NAA16: variants seen among roughly 807,000 people sequenced by gnomAD.
NAA16 encodes NARG1-like protein.
NAA16 carries 97 observed loss-of-function variants against 110.3 expected under a neutral mutation model. The observed-to-expected ratio is 0.88, with a 90% CI of 0.75 to 1.04. The LOEUF (loss-of-function observed/expected upper bound fraction) is 1.04, where lower values mean the gene tolerates loss of function less well. NAA16 is among the 50% of genes least tolerant of loss of function. The pLI, the probability that NAA16 is intolerant of heterozygous loss-of-function variation, is 0.00. For synonymous variants in NAA16, 372 were observed against 330.6 expected, an observed-to-expected ratio of 1.13 and a Z score of -1.36; for missense variants, 1,017 against 1,005.1, an observed-to-expected ratio of 1.01 and a Z score of -0.16.
At chr13:41,352,563 G>A (rs987124798) in intron 9 of NAA16, among the ~76,000 whole-genome samples, 2 of 151,804 alleles carry the variant, frequency 1.3e-5, no homozygotes, top group South Asian at 4.2e-4. Context: ...GCTGAGGCAG[G>A]AGAATTGCTT....
intron 9 of NAA16, among the ~76,000 whole-genome samples, chr13:41,349,915 C>T (rs932087420): frequency 6.6e-6 from 1 of 150,490 alleles, no homozygotes; most frequent in Admixed American, 6.6e-5. Context: ...GAGCTGAGAT[C>T]GCACCATTGC....
chr13:41,372,424 C>A, intron 16 of NAA16, 113 bp downstream of exon 16: 1 of 1,361,622 alleles, frequency 7.3e-7, no homozygotes, highest in Non-Finnish European at 9.5e-7. Context: ...TAGCCTTCTA[C>A]AAAGGCTCTT....
intron 5 of NAA16, 99 bp downstream of exon 5, chr13:41,323,289 G>T: frequency 1.8e-6 from 2 of 1,122,094 alleles, no homozygotes; most frequent in Non-Finnish European, 2.6e-6. Flanking sequence ...TGAAACCTAT[G>T]GAAAACGGGA....
intron 8 of NAA16, among the ~76,000 whole-genome samples, chr13:41,332,142 C>T (rs2042255645): frequency 6.6e-6 from 1 of 151,614 alleles, no homozygotes; most frequent in African/African-American, 2.4e-5. Context: ...ACTGTAGCCT[C>T]AAACCCCTGG....
chr13:41,334,330 G>C (rs1311923147), intron 8 of NAA16, among the ~76,000 whole-genome samples: 2 of 152,100 alleles, frequency 1.3e-5, no homozygotes, highest in Non-Finnish European at 2.9e-5. Flanking sequence ...GGATAAAGCT[G>C]CTTTTCAAAA....
At position 41,344,257 on chromosome 13, in the gene NAA16, T is replaced by C. The variant is rs147791495; in HGVS notation, c.1014+7501T>C. Among the ~76,000 whole-genome samples the C allele has an allele frequency of 5.6e-3, 860 of 152,364 alleles. 8 individuals carry two copies. The highest frequency in any genetic ancestry group is 0.01 in the Non-Finnish European group (684 of 68,032). On this transcript the variant is annotated intron_variant, in intron 9 of 19. Coordinates refer to ENST00000379406, the MANE Select transcript of NAA16 (RefSeq NM_024561.5). ...CATCAATTTGTATTGCCACTAGCAG[T>C]GTGCCTGAAATATTTCCTGTCTTGT...
rs758007997 is a variant in NAA16, at chr13:41,358,847, A to G, written c.1295A>G (p.Asp432Gly). Reference protein sequence around the residue: ...GNLKEAAKWMDEAQSLDTADR... With the variant: ...GNLKEAAKWMGEAQSLDTADR... ...CTCAAAGAAGCTGCAAAGTGGATGG[A>G]TGAAGCACAGTCTTTGGACACAGCT... Residue 432 changes from aspartate (D) to glycine (G), a missense_variant, in exon 12 of 20, where the codon GAT (aspartate) becomes GGT (glycine). Coordinates refer to ENST00000379406, the MANE Select transcript of NAA16 (RefSeq NM_024561.5). 3 of 1,610,376 alleles carry G rather than the reference A, an allele frequency of 1.9e-6. No homozygotes were observed. Among genetic ancestry groups the G allele is most frequent in the Admixed American group, 1.7e-5 (1 of 59,918 alleles).
At chr13:41,341,836 CT>C (rs398117249) in intron 9 of NAA16, among the ~76,000 whole-genome samples, 10 of 145,262 alleles carry the variant, frequency 6.9e-5, no homozygotes, top group Non-Finnish European at 7.5e-5. Flanking sequence ...CAGACCAAAC[CT>C]TTTTTTTTTT....
chr13:41,352,626 G>C (rs929463528), intron 9 of NAA16, among the ~76,000 whole-genome samples: 1 of 152,156 alleles, frequency 6.6e-6, no homozygotes, highest in African/African-American at 2.4e-5. Context: ...CTGTACTCCA[G>C]CCTAGGCAAC....
intron 6 of NAA16, 28 bp downstream of exon 6, chr13:41,325,879 C>T: frequency 1.9e-6 from 3 of 1,557,726 alleles, no homozygotes; most frequent in Non-Finnish European, 2.6e-6. Context: ...TTTTTAATAG[C>T]CTCAAACAGA....
In NAA16 at chr13:41,374,770, G is replaced by A. The variant is rs769714684; in HGVS notation, c.2328G>A (p.Lys776=). The A allele has an allele frequency of 5.6e-6, 9 of 1,612,646 alleles. No homozygotes were observed. Among genetic ancestry groups the A allele is most frequent in the Non-Finnish European group, 7.6e-6 (9 of 1,179,220 alleles). Residue 776 remains lysine (K), a synonymous_variant, in exon 19 of 20, where the codon AAG becomes AAA. Transcript: ENST00000379406. The stretch of plus-strand genomic sequence containing the variant: ...CTAAAATGATGTATTTTCTGGACAA[G>A]TCAAGGCAGGAGAAAGCAATTGCTA... ...SGAKMMYFLD[K]SRQEKAIAIA...
chr13:41,372,736 GT>G lies in NAA16; in HGVS notation c.2064del (p.Leu689CysfsTer2). 2 of 1,590,730 alleles carry G rather than the reference GT, an allele frequency of 1.3e-6. No individual in the cohort carries two copies. The highest frequency in any genetic ancestry group is 1.7e-6 in the Non-Finnish European group (2 of 1,166,506). On this transcript the variant is annotated frameshift_variant, in exon 17 of 20. Coordinates refer to ENST00000379406, the MANE Select transcript of NAA16 (RefSeq NM_024561.5). LOFTEE classifies it high-confidence loss of function. Reference protein sequence around the residue: ...AFEIYFRKGKFLLMLQSVKRA... With the variant: ...AFEIYFRKGKXLLMLQSVKRA... The stretch of plus-strand genomic sequence containing the variant: ...TTTGTATTTTTTCTGACACAGGAAA[GT>G]TTCTGTTAATGCTGCAGTCTGTCAA...
At chr13:41,340,715 C>T (rs1274354201) in intron 9 of NAA16, among the ~76,000 whole-genome samples, 4 of 124,322 alleles carry the variant, frequency 3.2e-5, no homozygotes, top group Admixed American at 2.1e-4. Flanking sequence ...TCTCTCATTG[C>T]GCCCAGGCTG....
chr13:41,354,716 T>C (rs1375031854), intron 9 of NAA16: 2 of 152,652 alleles, frequency 1.3e-5, no homozygotes, highest in Non-Finnish European at 2.9e-5. Context: ...CCCGTAATTA[T>C]AGTAAGTACA....
chr13:41,373,182 TTTATATTCCAAAG>T, intron 17 of NAA16: 1 of 890,238 alleles, frequency 1.1e-6, no homozygotes, highest in African/African-American at 1.8e-5. Context: ...CTAGGATGTA[TTTATATTCCAAAG>T]GAAGAATAAT....
At chr13:41,328,657 G>A (rs2042155097) in intron 6 of NAA16, 67 bp from the exon 7 acceptor site, 1 of 1,331,492 alleles carries the variant, frequency 7.5e-7, no homozygotes, top group South Asian at 1.3e-5. Flanking sequence ...ATAATGTTTA[G>A]TGAAGTCCCT....
Position 41,311,507 on chromosome 13 carries a change from C to T in NAA16, c.-22C>T, listed in dbSNP as rs1216633684. 1 of 1,589,348 alleles carries T rather than the reference C, an allele frequency of 6.3e-7. No individual in the cohort carries two copies. On this transcript the variant is annotated 5_prime_UTR_variant, in exon 1 of 20. Transcript: ENST00000379406. ...GGGCACCTAGCCTCCCTGCCGGCCA[C>T]CTAGCCTCCCTGCCGGCCACGATGC... is the stretch of plus-strand genomic sequence containing the variant.
At chr13:41,339,573 T>A (rs1052817657) in intron 9 of NAA16, among the ~76,000 whole-genome samples, 3 of 152,222 alleles carry the variant, frequency 2.0e-5, no homozygotes, top group African/African-American at 7.2e-5. Flanking sequence ...TTTTTGTTTT[T>A]TTGAGATGGA....
In NAA16 at chr13:41,376,720, C is replaced by CA. The variant is rs1464450802; in HGVS notation, c.*1119dup. On this transcript the variant is annotated 3_prime_UTR_variant, in exon 20 of 20. Coordinates refer to ENST00000379406, the MANE Select transcript of NAA16 (RefSeq NM_024561.5). ...TCTCGGCAAAATGAGATTTGAAACT[C>CA]ATTAGTTTAACTCTTAAAACATAGT... The CA allele has an allele frequency of 1.3e-5, 2 of 152,162 alleles. No individual in the cohort carries two copies. The highest frequency in any genetic ancestry group is 2.9e-5 in the Non-Finnish European group (2 of 68,030). 9.4% of individuals were successfully genotyped at this position (152,162 alleles called of 1,614,324 possible). A position where few individuals can be genotyped will look rare whatever the true frequency, so the allele number is the denominator to read the frequency against.
Sources: allele counts gnomAD v4.1 joint callset (sites outside exome capture counted in the v4.1 genomes callset), GRCh38; gene constraint gnomAD v4.1.1; transcripts MANE v1.5; gene names NCBI Gene and HGNC (gene_info 2026-07-23, HGNC 2026-07-21).